MED27: variants seen among roughly 807,000 people sequenced by gnomAD.
The protein encoded by MED27 is mediator of RNA polymerase II transcription subunit 27.
Under a neutral mutation model 38.2 loss-of-function variants are expected in MED27, and 30 were observed. That is an observed-to-expected ratio of 0.79 (90% confidence interval 0.59 to 1.07). The LOEUF (loss-of-function observed/expected upper bound fraction) is 1.07. Among genes scored for constraint, MED27 ranks in the 50% least tolerant of loss-of-function variants. MED27 has a pLI of 0.00. For synonymous variants in MED27, 122 were observed against 153.5 expected (o/e 0.79, Z 1.52); for missense variants, 289 against 397.5 (o/e 0.73, Z 2.32).
chr9:131,988,216 T>C lies in MED27; in HGVS notation c.479+26121A>G, dbSNP rs537484342. On this transcript the variant is annotated intron_variant, in intron 3 of 7. Transcript: ENST00000292035. ...CAACATGATATTGAGAAATAGTTTT[T>C]GTTAGCTACTTAGCCATGCTTGTCT... Among the ~76,000 whole-genome samples, 4 of 152,352 alleles carry C rather than the reference T, an allele frequency of 2.6e-5. No homozygotes were observed. The East Asian group carries it at 7.7e-4, about 29-fold the overall frequency.
intron 3 of MED27, among the ~76,000 whole-genome samples, chr9:131,995,530 T>C (rs1832072862): frequency 6.6e-6 from 1 of 152,126 alleles, no homozygotes; most frequent in Non-Finnish European, 1.5e-5. Flanking sequence ...AGGCCAGATA[T>C]TTGTCCAACA....
At chr9:131,986,999 ATTTTTTTTTTTTT>A (rs66519112) in intron 3 of MED27, among the ~76,000 whole-genome samples, 15 of 46,258 alleles carry the variant, frequency 3.2e-4, no homozygotes, top group Admixed American at 1.4e-3. Flanking sequence ...GAGTTCATGG[ATTTTTTTTTTTTT>A]TTTTTTTTTT....
chr9:131,956,590 G>A (rs1294380298), intron 3 of MED27, among the ~76,000 whole-genome samples: 1 of 151,132 alleles, frequency 6.6e-6, no homozygotes, highest in Non-Finnish European at 1.5e-5. Flanking sequence ...CACTCCAGCT[G>A]GGTGACAGAG....
intron 2 of MED27, among the ~76,000 whole-genome samples, chr9:132,056,324 G>A (rs1047479063): frequency 6.6e-6 from 1 of 152,160 alleles, no homozygotes; most frequent in Non-Finnish European, 1.5e-5. Context: ...TCATGACAGG[G>A]AAAAGCAGCA....
At chr9:132,000,571 T>G (rs757353662) in intron 3 of MED27, among the ~76,000 whole-genome samples, 1 of 152,160 alleles carries the variant, frequency 6.6e-6, no homozygotes, top group Non-Finnish European at 1.5e-5. Context: ...CATACTGGCT[T>G]TATTAATAGC....
intron 3 of MED27, among the ~76,000 whole-genome samples, chr9:131,970,641 G>GT (rs1831456924): frequency 6.6e-6 from 1 of 152,228 alleles, no homozygotes; most frequent in Non-Finnish European, 1.5e-5. Context: ...AGGAATAGAC[G>GT]TTCTCAGAAG....
At chr9:132,050,406 G>T (rs1000195958) in intron 2 of MED27, among the ~76,000 whole-genome samples, 2 of 152,212 alleles carry the variant, frequency 1.3e-5, no homozygotes, top group African/African-American at 4.8e-5. Context: ...GATCACCACT[G>T]AAGATGCTGA....
chr9:131,943,255 C>A (rs1172204283), intron 3 of MED27, among the ~76,000 whole-genome samples: 1 of 152,202 alleles, frequency 6.6e-6, no homozygotes, highest in Non-Finnish European at 1.5e-5. Context: ...CAAAACATTT[C>A]ATTTTCAAAC....
intron 4 of MED27, among the ~76,000 whole-genome samples, chr9:131,930,714 C>G (rs992549580): frequency 2.0e-5 from 3 of 151,994 alleles, no homozygotes; most frequent in Non-Finnish European, 2.9e-5. Flanking sequence ...CAGAAAAACA[C>G]GTAATATTAT....
At chr9:131,945,621 T>C (rs1410614912) in intron 3 of MED27, among the ~76,000 whole-genome samples, 1 of 152,052 alleles carries the variant, frequency 6.6e-6, no homozygotes, top group Non-Finnish European at 1.5e-5. Flanking sequence ...GTAACTACCA[T>C]TCTACTCTGT....
intron 3 of MED27, among the ~76,000 whole-genome samples, chr9:132,010,872 G>T (rs892366834): frequency 1.3e-5 from 2 of 152,064 alleles, no homozygotes; most frequent in African/African-American, 2.4e-5. Flanking sequence ...TCACACACCG[G>T]GTCCTGTTGT....
At chr9:131,897,707 T>C (rs1483243467) in intron 4 of MED27, among the ~76,000 whole-genome samples, 1 of 152,230 alleles carries the variant, frequency 6.6e-6, no homozygotes, top group African/African-American at 2.4e-5. Context: ...GATGGGTTCA[T>C]GGGGTTCTTT....
chr9:132,079,214 A>C (rs570534255), intron 1 of MED27, among the ~76,000 whole-genome samples: 27 of 152,152 alleles, frequency 1.8e-4, no homozygotes, highest in Middle Eastern at 3.4e-3. Flanking sequence ...GGGCCGGGGA[A>C]TTGGGGCTAA....
At chr9:131,952,355 T>C (rs1277235974) in intron 3 of MED27, among the ~76,000 whole-genome samples, 1 of 152,132 alleles carries the variant, frequency 6.6e-6, no homozygotes, top group Non-Finnish European at 1.5e-5. Context: ...AACAGGGACA[T>C]GGACTGGGGG....
chr9:131,881,226 T>C (rs1000595807), intron 6 of MED27, among the ~76,000 whole-genome samples: 3 of 152,202 alleles, frequency 2.0e-5, no homozygotes, highest in Non-Finnish European at 2.9e-5. Context: ...GGGGGAAAAA[T>C]GACAAGGACA....
In MED27 at chr9:131,998,107, T is replaced by C. The variant is rs556475916; in HGVS notation, c.479+16230A>G. ...TCTTAGTACACGAGTGCTGAAACCA[T>C]CCCCTCCATTTGCAAAGAACCAGAA... On this transcript the variant is annotated intron_variant, in intron 3 of 7. Coordinates refer to ENST00000292035, the MANE Select transcript of MED27 (RefSeq NM_004269.4). Among the ~76,000 whole-genome samples, 19 of 151,810 alleles carry C rather than the reference T, an allele frequency of 1.3e-4. No individual in the cohort carries two copies. The South Asian group carries it at 2.9e-3, about 23-fold the overall frequency.
At chr9:131,975,270 C>T (rs1037325902) in intron 3 of MED27, among the ~76,000 whole-genome samples, 3 of 152,168 alleles carry the variant, frequency 2.0e-5, no homozygotes, top group Admixed American at 1.3e-4. Context: ...GAGAAGTTCA[C>T]CTACTTCTTA....
At chr9:132,070,283 T>C (rs1833907097) in intron 2 of MED27, among the ~76,000 whole-genome samples, 1 of 152,214 alleles carries the variant, frequency 6.6e-6, no homozygotes, top group Non-Finnish European at 1.5e-5. Context: ...TTGCCGAGCA[T>C]GGTGGCTCAT....
chr9:132,007,290 C>A (rs1008074188), intron 3 of MED27, among the ~76,000 whole-genome samples: 1 of 152,148 alleles, frequency 6.6e-6, no homozygotes, highest in African/African-American at 2.4e-5. Context: ...GAAAGTATTA[C>A]AAGATACTGA....
Sources: gnomAD v4.1 joint callset for allele counts (sites outside exome capture counted in the v4.1 genomes callset) on GRCh38, gnomAD v4.1.1 for gene constraint, MANE v1.5 for transcripts, NCBI Gene and HGNC (gene_info 2026-07-23, HGNC 2026-07-21) for gene names.